SGK3: variants seen among roughly 807,000 people sequenced by gnomAD.
SGK3 encodes serine/threonine-protein kinase Sgk3.
A neutral mutation model predicts 68.5 loss-of-function variants in SGK3; 47 were observed. The ratio of observed to expected loss-of-function variants is 0.69; its 90% CI spans 0.54 to 0.87. SGK3 has a LOEUF of 0.87. SGK3 is among the 40% of genes least tolerant of loss of function. SGK3 has a pLI of 0.00. For missense variants in SGK3, 479 were observed against 575.5 expected, an observed-to-expected ratio of 0.83 and a Z score of 1.72; for synonymous variants, 181 against 189.1, an observed-to-expected ratio of 0.96 and a Z score of 0.35.
At chr8:66,765,977 A>G (rs1440069361) in intron 1 of SGK3, among the ~76,000 whole-genome samples, 3 of 151,676 alleles carry the variant, frequency 2.0e-5, no homozygotes, top group Admixed American at 2.0e-4. Flanking sequence ...GTGAGCCGAG[A>G]TGGTGTCACT....
intron 1 of SGK3, among the ~76,000 whole-genome samples, chr8:66,788,691 T>G (rs554321045): frequency 6.6e-6 from 1 of 152,272 alleles, no homozygotes; most frequent in South Asian, 2.1e-4. Flanking sequence ...TCAGTGGAAG[T>G]GGTGCAAGGT....
chr8:66,800,202 G>C (rs999620721), intron 3 of SGK3, among the ~76,000 whole-genome samples: 27 of 151,498 alleles, frequency 1.8e-4, no homozygotes, highest in African/African-American at 6.1e-4. Flanking sequence ...TTAGCCAGGC[G>C]TGGTGGTGGG....
chr8:66,772,288 G>A (rs906468894), intron 1 of SGK3, among the ~76,000 whole-genome samples: 1 of 149,456 alleles, frequency 6.7e-6, no homozygotes, highest in Non-Finnish European at 1.5e-5. Context: ...GAGTCTCTCT[G>A]TATTGCTGCG....
At chr8:66,850,968 G>T in intron 16 of SGK3, 48 bp downstream of exon 16, 1 of 1,528,196 alleles carries the variant, frequency 6.5e-7, no homozygotes, top group Non-Finnish European at 8.8e-7. Flanking sequence ...AAACTTAATA[G>T]CAGTTCATTG....
At chr8:66,831,104 G>C (rs1809284790) in intron 7 of SGK3, 150 bp from the exon 8 acceptor site, 1 of 786,282 alleles carries the variant, frequency 1.3e-6, no homozygotes, top group Non-Finnish European at 2.0e-6. Flanking sequence ...GTGCATGAAA[G>C]ATGAAGTACT....
intron 4 of SGK3, among the ~76,000 whole-genome samples, chr8:66,805,444 G>A (rs1438482032): frequency 5.3e-5 from 8 of 151,434 alleles, no homozygotes; most frequent in South Asian, 2.1e-4. Context: ...GCTTGAACCC[G>A]GGAGGCAGAG....
chr8:66,776,770 C>T (rs564580114), intron 1 of SGK3, among the ~76,000 whole-genome samples: 1 of 152,336 alleles, frequency 6.6e-6, no homozygotes, highest in South Asian at 2.1e-4. Context: ...CATAATCATT[C>T]TTCAGTAGTA....
At chr8:66,831,414 A>T in intron 8 of SGK3, 103 bp downstream of exon 8, 1 of 1,389,310 alleles carries the variant, frequency 7.2e-7, no homozygotes, top group Non-Finnish European at 1.0e-6. Context: ...TGGTGCAGTC[A>T]TAGCACACTT....
At chr8:66,717,325 T>C (rs993454544) in intron 1 of SGK3, among the ~76,000 whole-genome samples, 10 of 146,446 alleles carry the variant, frequency 6.8e-5, no homozygotes, top group African/African-American at 1.5e-4. Context: ...AGGTCAGGAG[T>C]TTGAGACCAG....
chr8:66,839,945 C>A, intron 10 of SGK3, 58 bp from the exon 11 acceptor site: 1 of 1,448,458 alleles, frequency 6.9e-7, no homozygotes, highest in Non-Finnish European at 9.6e-7. Flanking sequence ...TTGTTTAATG[C>A]TATGTGTGAA....
intron 8 of SGK3, among the ~76,000 whole-genome samples, chr8:66,834,114 A>G (rs764232795): frequency 2.0e-5 from 3 of 152,246 alleles, no homozygotes; most frequent in Non-Finnish European, 2.9e-5. Context: ...AATATCCACT[A>G]GGAAAGGTAT....
chr8:66,715,314 A>G (rs947078176), intron 1 of SGK3, among the ~76,000 whole-genome samples: 16 of 151,598 alleles, frequency 1.1e-4, no homozygotes, highest in African/African-American at 3.2e-4. Context: ...CTGGAGTGCA[A>G]TGGCGCAGCC....
In SGK3 at chr8:66,786,238, G is replaced by A. The variant is rs73691591; in HGVS notation, c.-121-7378G>A. ...AACTTTCTTCCCAAATTGGTTGCCA[G>A]AGGACTCTGTAAAGCATGTACATGT... is the stretch of plus-strand genomic sequence containing the variant. On this transcript the variant is annotated intron_variant, in intron 1 of 16. Transcript: ENST00000521198. Among the ~76,000 whole-genome samples, 656 of 152,294 alleles carry A rather than the reference G, an allele frequency of 4.3e-3. 6 individuals carry two copies. The highest frequency in any genetic ancestry group is 0.014 in the African/African-American group (590 of 41,552).
At chr8:66,799,674 T>G (rs1180710170) in intron 3 of SGK3, among the ~76,000 whole-genome samples, 1 of 152,166 alleles carries the variant, frequency 6.6e-6, no homozygotes, top group Non-Finnish European at 1.5e-5. Flanking sequence ...CAGGCTGGAG[T>G]GCAGTGGCAC....
intron 1 of SGK3, among the ~76,000 whole-genome samples, chr8:66,719,910 G>A (rs1188288588): frequency 1.3e-5 from 2 of 152,216 alleles, no homozygotes; most frequent in Non-Finnish European, 2.9e-5. Flanking sequence ...TTATTTGTGT[G>A]TGCATGTGCA....
At chr8:66,793,922 C>T in intron 2 of SGK3, 90 bp downstream of exon 2, 1 of 1,324,374 alleles carries the variant, frequency 7.6e-7, no homozygotes. Flanking sequence ...AGAACACCCC[C>T]TTCCCCATCT....
intron 1 of SGK3, among the ~76,000 whole-genome samples, chr8:66,725,761 G>A (rs1257728770): frequency 6.6e-6 from 1 of 151,974 alleles, no homozygotes; most frequent in Admixed American, 6.6e-5. Context: ...TCATTATGAA[G>A]CCTTCCATTA....
chr8:66,720,624 G>T (rs1004081630), intron 1 of SGK3, among the ~76,000 whole-genome samples: 5 of 148,022 alleles, frequency 3.4e-5, no homozygotes, highest in African/African-American at 1.3e-4. Flanking sequence ...ATAAAAATTA[G>T]CTGGACATAG....
chr8:66,850,542 C>T (rs1810238077), intron 15 of SGK3, among the ~76,000 whole-genome samples: 1 of 152,194 alleles, frequency 6.6e-6, no homozygotes, highest in Admixed American at 6.5e-5. Flanking sequence ...TTAAAACATA[C>T]TTCCCCTGAA....
Sources: gnomAD v4.1 joint callset for allele counts (sites outside exome capture counted in the v4.1 genomes callset) on GRCh38, gnomAD v4.1.1 for gene constraint, MANE v1.5 for transcripts, NCBI Gene and HGNC (gene_info 2026-07-23, HGNC 2026-07-21) for gene names.